Variants in JAK2 observed in about 807,000 individuals in gnomAD.
JAK2 encodes Janus kinase 2.
A neutral mutation model predicts 139.3 loss-of-function variants in JAK2; 86 were observed. The observed-to-expected ratio is 0.62, with a 90% CI of 0.52 to 0.74. The LOEUF is 0.74. Among genes scored for constraint, JAK2 ranks in the 30% least tolerant of loss-of-function variants. The pLI is 0.00. For synonymous variants in JAK2, 490 were observed against 437.7 expected (o/e 1.12, Z -1.49); for missense variants, 1,421 against 1,360.3 (o/e 1.04, Z -0.70).
At chr9:5,117,198 T>A (rs113703310) in intron 22 of JAK2, among the ~76,000 whole-genome samples, 4 of 152,232 alleles carry the variant, frequency 2.6e-5, no homozygotes, top group African/African-American at 9.6e-5. Flanking sequence ...TCCAGAAGTA[T>A]GAGAAATAAA....
chr9:5,085,609 A>G, intron 19 of JAK2: 1 of 699,322 alleles, frequency 1.4e-6, no homozygotes, highest in Admixed American at 2.0e-5. Flanking sequence ...AGAAAGAATT[A>G]AATCTCCAGC....
At chr9:5,126,620 C>T in intron 24 of JAK2, 64 bp from the exon 25 acceptor site, 2 of 1,181,360 alleles carry the variant, frequency 1.7e-6, no homozygotes, top group Non-Finnish European at 2.5e-6. Flanking sequence ...AAATTAATGT[C>T]TTCCACCAAT....
Position 4,991,148 on chromosome 9 carries a change from T to C in JAK2, c.-26+5126T>C, listed in dbSNP as rs557153111. 3.9e-5 allele frequency among the ~76,000 whole-genome samples: 6 copies of C among 152,320 alleles called. No individual in the cohort carries two copies. The East Asian group carries it at 1.2e-3, about 29-fold the overall frequency. On this transcript the variant is annotated intron_variant, in intron 2 of 24. Transcript: ENST00000381652. ...GGAGAAATTCTTGGTCGATAACTTA[T>C]AAATCTGAGGGTTGAATGATTGATG...
intron 22 of JAK2, among the ~76,000 whole-genome samples, chr9:5,096,494 A>G (rs770593078): frequency 3.3e-5 from 5 of 152,064 alleles, no homozygotes; most frequent in African/African-American, 9.7e-5. Flanking sequence ...TTCTCCCTCC[A>G]TGTGGGGGGA....
At chr9:5,025,213 CTTT>C (rs1822705633) in intron 3 of JAK2, among the ~76,000 whole-genome samples, 1 of 152,032 alleles carries the variant, frequency 6.6e-6, no homozygotes, top group Admixed American at 6.6e-5. Flanking sequence ...TGATGTTACT[CTTT>C]TACTTTTCTA....
chr9:5,019,526 T>C (rs1297282167), intron 2 of JAK2, among the ~76,000 whole-genome samples: 1 of 152,216 alleles, frequency 6.6e-6, no homozygotes, highest in Non-Finnish European at 1.5e-5. Flanking sequence ...TTTTCTGGCA[T>C]TTCATGAATT....
At chr9:5,025,749 C>T (rs1822743860) in intron 3 of JAK2, among the ~76,000 whole-genome samples, 1 of 152,130 alleles carries the variant, frequency 6.6e-6, no homozygotes, top group South Asian at 2.1e-4. Context: ...CCAAGCTTAT[C>T]TCAAACTCCT....
chr9:5,020,101 G>C (rs1822313460), intron 2 of JAK2, among the ~76,000 whole-genome samples: 1 of 152,170 alleles, frequency 6.6e-6, no homozygotes, highest in African/African-American at 2.4e-5. Flanking sequence ...AGTGAGCATG[G>C]CATGGGTTAT....
Position 5,044,453 on chromosome 9 carries a change from A to G in JAK2, c.401A>G (p.His134Arg), listed in dbSNP as rs760861063. Residue 134 changes from histidine (H) to arginine (R), a missense_variant, in exon 5 of 25, where the codon CAT becomes CGT. Transcript: ENST00000381652. ...AGTGGCAGCAACAGAGCCTATCGGC[A>G]TGGAATATCTCGAGGTGCTGAAGCT... is the stretch of plus-strand genomic sequence containing the variant. The part of the protein sequence containing the change: ...YCSGSNRAYR[H>R]GISRGAEAPL... 1.5e-5 allele frequency: 24 copies of G among 1,613,436 alleles called. No individual in the cohort carries two copies. Among genetic ancestry groups the G allele is most frequent in the African/African-American group, 2.7e-5 (2 of 74,912 alleles).
intron 19 of JAK2, chr9:5,086,168 G>A (rs1820093820): frequency 2.6e-6 from 1 of 389,980 alleles, no homozygotes; most frequent in South Asian, 5.6e-5. Context: ...CGGTCTCCAC[G>A]CCGCCGGTCT....
At chr9:5,015,614 C>A (rs1563927456) in intron 2 of JAK2, among the ~76,000 whole-genome samples, 2 of 151,176 alleles carry the variant, frequency 1.3e-5, no homozygotes, top group African/African-American at 2.4e-5. Flanking sequence ...AATCACTGCT[C>A]ACTGCGGCCT....
At chr9:5,113,918 T>C in intron 22 of JAK2, 1 of 234,274 alleles carries the variant, frequency 4.3e-6, no homozygotes, top group South Asian at 5.4e-5. Flanking sequence ...AGTGGACACT[T>C]ACCCCCGACC....
At chr9:5,117,033 G>T (rs1355681918) in intron 22 of JAK2, among the ~76,000 whole-genome samples, 1 of 152,166 alleles carries the variant, frequency 6.6e-6, no homozygotes, top group Admixed American at 6.5e-5. Flanking sequence ...GCTTCATGCA[G>T]CATTTGGCTC....
intron 22 of JAK2, among the ~76,000 whole-genome samples, chr9:5,101,434 G>A (rs1821476055): frequency 6.6e-6 from 1 of 152,240 alleles, no homozygotes. Flanking sequence ...TGCCTTTGTA[G>A]ACCACACCTC....
At chr9:5,121,338 TTAAC>T (rs1823603923) in intron 22 of JAK2, among the ~76,000 whole-genome samples, 1 of 152,204 alleles carries the variant, frequency 6.6e-6, no homozygotes, top group South Asian at 2.1e-4. Context: ...AGGATAAACA[TTAAC>T]TAGTCCTCAA....
At chr9:5,058,816 G>A (rs1031355360) in intron 8 of JAK2, among the ~76,000 whole-genome samples, 13 of 152,024 alleles carry the variant, frequency 8.6e-5, no homozygotes, top group African/African-American at 2.9e-4. Flanking sequence ...TTTCATATAT[G>A]TATTGCCATT....
intron 8 of JAK2, among the ~76,000 whole-genome samples, chr9:5,059,171 C>CA (rs1434837637): frequency 2.0e-5 from 3 of 152,092 alleles, no homozygotes; most frequent in African/African-American, 7.2e-5. Context: ...ACACCCACCT[C>CA]AAAAAACAGA....
intron 3 of JAK2, among the ~76,000 whole-genome samples, chr9:5,029,007 A>C (rs1438999201): frequency 1.3e-5 from 2 of 152,182 alleles, no homozygotes; most frequent in Non-Finnish European, 2.9e-5. Context: ...CTTTGCATTC[A>C]GAACTTGATT....
chr9:5,101,304 C>G (rs914786210), intron 22 of JAK2, among the ~76,000 whole-genome samples: 4 of 152,338 alleles, frequency 2.6e-5, no homozygotes, highest in South Asian at 4.1e-4. Context: ...AAGATCCACC[C>G]GTGAGGCAGC....
Sources: allele counts gnomAD v4.1 joint callset (sites outside exome capture counted in the v4.1 genomes callset), GRCh38; gene constraint gnomAD v4.1.1; transcripts MANE v1.5; gene names NCBI Gene and HGNC (gene_info 2026-07-23, HGNC 2026-07-21).